The following LRBA variants were observed in gnomAD, a reference collection of about 807,000 sequenced individuals.
LRBA encodes the protein lipopolysaccharide-responsive and beige-like anchor protein.
In LRBA, 176 loss-of-function variants were observed where a neutral mutation model predicts 330.0. That is an observed-to-expected ratio of 0.53 (90% confidence interval 0.47 to 0.60). The LOEUF (loss-of-function observed/expected upper bound fraction) is 0.60. Among genes scored for constraint, LRBA ranks in the 20% least tolerant of loss-of-function variants. The probability of loss-of-function intolerance (pLI) is 0.00; values close to 1 mark genes in which losing one functional copy is unlikely to be tolerated. For missense variants in LRBA, 3,259 were observed against 3,444.8 expected (o/e 0.95, Z 1.35); for synonymous variants, 1,230 against 1,193.0 (o/e 1.03, Z -0.64).
chr4:150,917,432 G>A (rs1305198184), intron 5 of LRBA, among the ~76,000 whole-genome samples: 4 of 152,042 alleles, frequency 2.6e-5, no homozygotes, highest in Non-Finnish European at 5.9e-5. Context: ...AAGATGGACA[G>A]GAATGGAAAG....
At chr4:151,002,600 A>C (rs1743501439) in intron 2 of LRBA, among the ~76,000 whole-genome samples, 1 of 151,578 alleles carries the variant, frequency 6.6e-6, no homozygotes, top group Non-Finnish European at 1.5e-5. Flanking sequence ...AAATAAGCTC[A>C]GTGAGAGACA....
intron 35 of LRBA, among the ~76,000 whole-genome samples, chr4:150,743,230 A>T (rs910092071): frequency 6.6e-6 from 1 of 152,178 alleles, no homozygotes; most frequent in Non-Finnish European, 1.5e-5. Flanking sequence ...TTGGCCTTCC[A>T]GGGTGCTGGG....
chr4:150,699,273 C>G (rs547244483), intron 36 of LRBA, among the ~76,000 whole-genome samples: 1 of 152,020 alleles, frequency 6.6e-6, no homozygotes, highest in African/African-American at 2.4e-5. Flanking sequence ...ACTGCCTGTT[C>G]AAGAGTGTGG....
chr4:150,532,234 T>C (rs6813081), intron 40 of LRBA, among the ~76,000 whole-genome samples: 13,398 of 152,244 alleles, frequency 0.088, 1,055 homozygotes, highest in African/African-American at 0.21. Context: ...ACTCATCTAG[T>C]CAAGCGGAAA....
At chr4:150,740,640 T>C (rs1486387421) in intron 35 of LRBA, among the ~76,000 whole-genome samples, 1 of 52,554 alleles carries the variant, frequency 1.9e-5, no homozygotes, top group Non-Finnish European at 4.9e-5. Context: ...ACAGAAAGAA[T>C]GGTAAAAAAA....
chr4:150,515,178 C>T (rs1456055627), intron 40 of LRBA, among the ~76,000 whole-genome samples: 1 of 151,994 alleles, frequency 6.6e-6, no homozygotes, highest in African/African-American at 2.4e-5. Flanking sequence ...AAACAGAATC[C>T]AGCAATGTCT....
At chr4:150,524,649 G>A (rs893281676) in intron 40 of LRBA, among the ~76,000 whole-genome samples, 2 of 152,064 alleles carry the variant, frequency 1.3e-5, no homozygotes, top group Non-Finnish European at 2.9e-5. Flanking sequence ...CACTGATAAT[G>A]AAATACAGTA....
chr4:150,577,480 G>A (rs1328295669), intron 40 of LRBA, among the ~76,000 whole-genome samples: 1 of 151,252 alleles, frequency 6.6e-6, no homozygotes, highest in Non-Finnish European at 1.5e-5. Context: ...AACTAAAAAT[G>A]TAGCACCCAC....
At chr4:150,627,599 C>T (rs1776984284) in intron 37 of LRBA, among the ~76,000 whole-genome samples, 1 of 151,812 alleles carries the variant, frequency 6.6e-6, no homozygotes, top group South Asian at 2.1e-4. Context: ...CCTCATAAGA[C>T]ATATGAAATA....
chr4:150,837,755 T>C (rs555229923), intron 28 of LRBA, among the ~76,000 whole-genome samples: 10 of 152,336 alleles, frequency 6.6e-5, no homozygotes, highest in African/African-American at 2.4e-4. Context: ...AATTTGCCAG[T>C]CTGTGTCTTT....
intron 40 of LRBA, chr4:150,579,040 C>A (rs1239339228): frequency 3.1e-6 from 1 of 320,886 alleles, no homozygotes; most frequent in Non-Finnish European, 6.1e-6. Context: ...TATGATGAGA[C>A]GGATTATAAC....
At position 150,352,094 on chromosome 4, in the gene LRBA, G is replaced by T. The variant is rs111272955; in HGVS notation, c.7195-1935C>A. On this transcript the variant is annotated intron_variant, in intron 47 of 56. Transcript: ENST00000651943. ...GCTGTACCAACTTATATCTGGTAAT[G>T]TATCTCATTGAAATTGATTTTTATT... 9.7e-3 allele frequency among the ~76,000 whole-genome samples: 1,483 copies of T among 152,280 alleles called. 20 individuals are homozygous for T. The highest frequency in any genetic ancestry group is 0.034 in the African/African-American group (1,410 of 41,562).
At chr4:150,868,363 AG>A in intron 20 of LRBA, 58 bp from the exon 21 acceptor site, 2 of 1,284,974 alleles carry the variant, frequency 1.6e-6, no homozygotes, top group Non-Finnish European at 2.2e-6. Context: ...TCATGATAGA[AG>A]GTCATCCATC....
intron 36 of LRBA, among the ~76,000 whole-genome samples, chr4:150,685,487 G>A (rs1783535241): frequency 7.9e-6 from 1 of 127,374 alleles, no homozygotes; most frequent in Admixed American, 8.9e-5. Flanking sequence ...CTGGAGTGCA[G>A]TGGCGTGATC....
At chr4:150,890,450 T>C (rs1483966571) in intron 17 of LRBA, among the ~76,000 whole-genome samples, 3 of 151,458 alleles carry the variant, frequency 2.0e-5, no homozygotes, top group African/African-American at 7.3e-5. Context: ...AAGTAAACAA[T>C]GGCAGATATA....
chr4:150,824,660 AATG>A (rs773869393), intron 30 of LRBA, among the ~76,000 whole-genome samples: 12 of 152,204 alleles, frequency 7.9e-5, no homozygotes, highest in Non-Finnish European at 1.5e-4. Context: ...CAGCAATTGA[AATG>A]ATCATATGGC....
intron 28 of LRBA, among the ~76,000 whole-genome samples, chr4:150,837,926 G>T (rs1360184348): frequency 6.6e-6 from 1 of 152,164 alleles, no homozygotes; most frequent in Non-Finnish European, 1.5e-5. Flanking sequence ...GCAGTGGCTG[G>T]TACTGGTTGT....
intron 37 of LRBA, among the ~76,000 whole-genome samples, chr4:150,604,242 CAA>C (rs887628047): frequency 1.4e-5 from 2 of 141,586 alleles, no homozygotes; most frequent in African/African-American, 2.6e-5. Context: ...GACCCTGGTT[CAA>C]AAAAAAAAAA....
intron 28 of LRBA, among the ~76,000 whole-genome samples, chr4:150,839,214 C>T (rs191991497): frequency 7.9e-5 from 12 of 152,194 alleles, no homozygotes; most frequent in East Asian, 7.7e-4. Flanking sequence ...GTTTGAATGG[C>T]GATCATTAAA....
Sources: allele counts gnomAD v4.1 joint callset (sites outside exome capture counted in the v4.1 genomes callset), GRCh38; gene constraint gnomAD v4.1.1; transcripts MANE v1.5; gene names NCBI Gene and HGNC (gene_info 2026-07-23, HGNC 2026-07-21).